The following ADAMTSL1 variants were observed in gnomAD, a reference collection of about 807,000 sequenced individuals.
The protein encoded by ADAMTSL1 is ADAMTS like 1, also known as ADAMTS-like protein 1.
ADAMTSL1 carries 126 observed loss-of-function variants against 201.8 expected under a neutral mutation model. That is an observed-to-expected ratio of 0.62 (90% CI 0.54 to 0.72). The LOEUF is 0.72. Ranked by LOEUF, ADAMTSL1 falls within the 30% of genes least tolerant of loss-of-function variation. The pLI is 0.00. For synonymous variants in ADAMTSL1, 1,121 were observed against 903.4 expected (o/e 1.24, Z -4.32); for missense variants, 2,679 against 2,277.8 (o/e 1.18, Z -3.59).
chr9:18,693,985 G>T (rs1012200738), intron 13 of ADAMTSL1, among the ~76,000 whole-genome samples: 2 of 152,190 alleles, frequency 1.3e-5, no homozygotes, highest in Non-Finnish European at 2.9e-5. Context: ...GCAGGAAGCA[G>T]AGCTGGGGAG....
chr9:18,403,123 C>A (rs972071436), intron 2 of ADAMTSL1, among the ~76,000 whole-genome samples: 6 of 151,844 alleles, frequency 4.0e-5, no homozygotes, highest in Non-Finnish European at 5.9e-5. Flanking sequence ...CTAAGCGCTG[C>A]TCATTTATCA....
intron 2 of ADAMTSL1, among the ~76,000 whole-genome samples, chr9:18,516,087 C>CAAAAA (rs11418722): frequency 1.0e-3 from 136 of 131,094 alleles, no homozygotes; most frequent in Middle Eastern, 4.4e-3. Context: ...CCTCAACTAC[C>CAAAAA]AAAAAAAAAA....
chr9:18,678,947 C>G (rs939602864), intron 10 of ADAMTSL1, among the ~76,000 whole-genome samples: 1 of 152,138 alleles, frequency 6.6e-6, no homozygotes, highest in Non-Finnish European at 1.5e-5. Context: ...CAGAGGGCCT[C>G]AGTTTCCCCA....
At chr9:18,247,377 A>T (rs1308416284) in intron 2 of ADAMTSL1, among the ~76,000 whole-genome samples, 3 of 152,234 alleles carry the variant, frequency 2.0e-5, no homozygotes, top group Admixed American at 6.5e-5. Flanking sequence ...CTCTTTATTC[A>T]TCTATTTTCA....
At chr9:18,624,467 C>A (rs1826234636) in intron 5 of ADAMTSL1, among the ~76,000 whole-genome samples, 1 of 152,178 alleles carries the variant, frequency 6.6e-6, no homozygotes, top group Non-Finnish European at 1.5e-5. Context: ...CTAATTATTT[C>A]TGGCATGTAA....
At chr9:17,949,118 A>G (rs1188958233) in intron 1 of ADAMTSL1, among the ~76,000 whole-genome samples, 1 of 152,244 alleles carries the variant, frequency 6.6e-6, no homozygotes, top group Non-Finnish European at 1.5e-5. Context: ...CTCCTCAATA[A>G]TTGCTGATAT....
chr9:18,765,505 AT>A (rs5896806), intron 16 of ADAMTSL1, among the ~76,000 whole-genome samples: 117,062 of 152,128 alleles, frequency 0.77, 45,375 homozygotes, highest in East Asian at 0.92. Flanking sequence ...TTTATGAATC[AT>A]TATCAAAACA....
At chr9:18,213,805 T>A (rs1397414889) in intron 2 of ADAMTSL1, among the ~76,000 whole-genome samples, 1 of 152,132 alleles carries the variant, frequency 6.6e-6, no homozygotes, top group Non-Finnish European at 1.5e-5. Context: ...AGTGGTGCGA[T>A]CTCGGTTCAC....
At chr9:18,221,817 T>G (rs1830270799) in intron 2 of ADAMTSL1, among the ~76,000 whole-genome samples, 1 of 152,128 alleles carries the variant, frequency 6.6e-6, no homozygotes, top group South Asian at 2.1e-4. Context: ...TTATTGGGGT[T>G]GGTGGCATTT....
chr9:17,933,539 A>G (rs1367300045), intron 1 of ADAMTSL1, among the ~76,000 whole-genome samples: 1 of 152,172 alleles, frequency 6.6e-6, no homozygotes, highest in African/African-American at 2.4e-5. Context: ...GTCCATTCTC[A>G]CAGTGCTATA....
At chr9:18,661,726 T>C (rs1251909345) in intron 8 of ADAMTSL1, among the ~76,000 whole-genome samples, 1 of 152,196 alleles carries the variant, frequency 6.6e-6, no homozygotes, top group Non-Finnish European at 1.5e-5. Context: ...TATAATGTAA[T>C]TATTAAGATT....
chr9:17,937,094 C>G (rs1356566581), intron 1 of ADAMTSL1, among the ~76,000 whole-genome samples: 1 of 152,134 alleles, frequency 6.6e-6, no homozygotes. Context: ...TTGTTGGTGC[C>G]TCATCCATGG....
At chr9:18,102,434 A>G (rs1408395101) in intron 1 of ADAMTSL1, among the ~76,000 whole-genome samples, 1 of 152,252 alleles carries the variant, frequency 6.6e-6, no homozygotes, top group Admixed American at 6.5e-5. Flanking sequence ...TTATATACAA[A>G]TATGACAGTT....
intron 4 of ADAMTSL1, among the ~76,000 whole-genome samples, chr9:18,579,145 C>T (rs1467783865): frequency 6.6e-6 from 1 of 151,008 alleles, no homozygotes. Context: ...CACATATACA[C>T]CATGGAATAC....
At chr9:18,359,596 A>G (rs1836411932) in intron 2 of ADAMTSL1, among the ~76,000 whole-genome samples, 1 of 152,180 alleles carries the variant, frequency 6.6e-6, no homozygotes, top group African/African-American at 2.4e-5. Context: ...TGTCTGCTGT[A>G]GAAAATTACA....
At chr9:18,884,822 G>T (rs900445473) in intron 23 of ADAMTSL1, among the ~76,000 whole-genome samples, 1 of 152,128 alleles carries the variant, frequency 6.6e-6, no homozygotes, top group Non-Finnish European at 1.5e-5. Flanking sequence ...TTGAAATCAG[G>T]AACTATGAAT....
At chr9:18,709,534 G>A (rs1414248266) in intron 14 of ADAMTSL1, among the ~76,000 whole-genome samples, 2 of 152,184 alleles carry the variant, frequency 1.3e-5, no homozygotes, top group African/African-American at 2.4e-5. Flanking sequence ...GAAGGAACTA[G>A]TTAGTAATTT....
At chr9:18,808,175 C>T (rs1823283031) in intron 20 of ADAMTSL1, among the ~76,000 whole-genome samples, 1 of 152,114 alleles carries the variant, frequency 6.6e-6, no homozygotes, top group Non-Finnish European at 1.5e-5. Context: ...GAATATCAAA[C>T]CTGCCTCCAT....
intron 28 of ADAMTSL1, chr9:18,907,216 T>C (rs975086871): frequency 3.0e-5 from 12 of 405,136 alleles, no homozygotes; most frequent in Non-Finnish European, 5.4e-5. Flanking sequence ...GTCTGGCTGG[T>C]GCCCACAGGG....
Sources: allele counts gnomAD v4.1 joint callset (sites outside exome capture counted in the v4.1 genomes callset), GRCh38; gene constraint gnomAD v4.1.1; transcripts MANE v1.5; gene names NCBI Gene and HGNC (gene_info 2026-07-23, HGNC 2026-07-21).